The following GBF1 variants were observed in gnomAD, a reference collection of about 807,000 sequenced individuals.
GBF1 encodes golgi brefeldin A resistant guanine nucleotide exchange factor 1.
In GBF1, 114 loss-of-function variants were observed where a neutral mutation model predicts 210.5. That is an observed-to-expected ratio of 0.54 (90% CI 0.47 to 0.63). GBF1 has a LOEUF of 0.63. GBF1 is among the 30% of genes least tolerant of loss of function. The pLI, the probability that GBF1 is intolerant of heterozygous loss-of-function variation, is 0.00. For missense variants in GBF1, 1,851 were observed against 2,357.7 expected, an observed-to-expected ratio of 0.79 and a Z score of 4.45; for synonymous variants, 850 against 889.2, an observed-to-expected ratio of 0.96 and a Z score of 0.78.
At chr10:102,365,286 C>A (rs907410360) in intron 17 of GBF1, 111 bp from the exon 18 acceptor site, 3 of 738,664 alleles carry the variant, frequency 4.1e-6, no homozygotes, top group African/African-American at 1.7e-5. Flanking sequence ...AGAACCACAT[C>A]CTAGGAGCTT....
the GBF1 span, among the ~76,000 whole-genome samples, chr10:102,237,074 T>C: frequency 6.6e-6 from 1 of 152,226 alleles, no homozygotes; most frequent in East Asian, 1.9e-4. Context: ...ACAGTCTTCC[T>C]GCTCTTCCTT....
chr10:102,252,818 G>A (rs2133928188), intron 1 of GBF1, among the ~76,000 whole-genome samples: 1 of 152,024 alleles, frequency 6.6e-6, no homozygotes, highest in African/African-American at 2.4e-5. Flanking sequence ...CTGCACTCCA[G>A]CCTGGGCGAC....
intron 3 of GBF1, among the ~76,000 whole-genome samples, chr10:102,286,436 G>A (rs1013632572): frequency 2.0e-5 from 3 of 152,130 alleles, no homozygotes; most frequent in Admixed American, 1.3e-4. Context: ...ATTATTCCTC[G>A]GGATTTATTT....
chr10:102,239,576 GA>G, the GBF1 span, among the ~76,000 whole-genome samples: 1 of 152,208 alleles, frequency 6.6e-6, no homozygotes, highest in African/African-American at 2.4e-5. Flanking sequence ...GCAAACTTTA[GA>G]ACTGAGGAAT....
intron 38 of GBF1, 80 bp downstream of exon 38, chr10:102,380,766 G>A (rs2060794985): frequency 8.2e-7 from 1 of 1,212,498 alleles, no homozygotes; most frequent in African/African-American, 1.5e-5. Flanking sequence ...CCAGCACTTT[G>A]AGAGGCCGAG....
At chr10:102,330,278 T>C (rs181143114) in intron 3 of GBF1, among the ~76,000 whole-genome samples, 1 of 152,318 alleles carries the variant, frequency 6.6e-6, no homozygotes, top group East Asian at 1.9e-4. Context: ...GGTAAGTCAC[T>C]TAACCTCTTA....
upstream of GBF1, among the ~76,000 whole-genome samples, chr10:102,241,663 G>A (rs753704879): frequency 6.6e-6 from 1 of 152,254 alleles, no homozygotes; most frequent in South Asian, 2.1e-4. The surrounding 1 kb of genome is among the most constrained non-coding windows in gnomAD (Gnocchi z 6.7). Context: ...CGCCTTTGAG[G>A]GAGGGGTCTG....
At chr10:102,343,799 CAAA>C (rs56360033) in intron 3 of GBF1, among the ~76,000 whole-genome samples, 20 of 124,274 alleles carry the variant, frequency 1.6e-4, no homozygotes, top group Admixed American at 1.6e-4. Flanking sequence ...CTCTGTCTGA[CAAA>C]AAAAAAAAAA....
chr10:102,381,328 G>A lies in GBF1; in HGVS notation c.5302+73G>A, dbSNP rs755403592. ...GGCCTAAGAGGAGGCCCAAGGGGGC[G>A]TGGGAATGCTGCTGAGCAGGGTCTG... On this transcript the variant is annotated intron_variant, in intron 39 of 39. Transcript: ENST00000369983. 1.3e-4 allele frequency: 197 copies of A among 1,498,638 alleles called. 1 individual carries two copies. The highest frequency in any genetic ancestry group is 1.7e-4 in the Non-Finnish European group (185 of 1,087,380). The allele number at this position is 1,498,638 out of a possible 1,614,324, so 92.8% of individuals were successfully genotyped here.
chr10:102,249,872 A>C (rs759171261), intron 1 of GBF1, among the ~76,000 whole-genome samples: 2 of 151,572 alleles, frequency 1.3e-5, no homozygotes, highest in Non-Finnish European at 2.9e-5. Context: ...TTGTATTTTT[A>C]ATAGAGATGT....
chr10:102,284,504 G>A (rs1589482168), intron 3 of GBF1, among the ~76,000 whole-genome samples: 1 of 152,022 alleles, frequency 6.6e-6, no homozygotes, highest in Admixed American at 6.6e-5. Context: ...CATATAAATG[G>A]AATCATATAA....
intron 3 of GBF1, among the ~76,000 whole-genome samples, chr10:102,289,760 A>G (rs2076281829): frequency 6.6e-6 from 1 of 152,208 alleles, no homozygotes; most frequent in Admixed American, 6.5e-5. Context: ...ATTCTATAGA[A>G]GACTATAAAA....
chr10:102,364,669 T>G (rs1342194115), intron 17 of GBF1, among the ~76,000 whole-genome samples: 1 of 151,008 alleles, frequency 6.6e-6, no homozygotes, highest in Non-Finnish European at 1.5e-5. Flanking sequence ...GCTAACACGA[T>G]GAAACCCCGT....
At chr10:102,359,869 T>C (rs531991152) in intron 11 of GBF1, among the ~76,000 whole-genome samples, 1 of 149,544 alleles carries the variant, frequency 6.7e-6, no homozygotes, top group East Asian at 2.0e-4. Context: ...GTTCAAGCAA[T>C]CCTCCCACCT....
intron 33 of GBF1, among the ~76,000 whole-genome samples, chr10:102,378,777 A>C (rs2060662551): frequency 6.6e-6 from 1 of 152,134 alleles, no homozygotes; most frequent in African/African-American, 2.4e-5. Context: ...CTACAAAAAT[A>C]CAAAAAATTA....
intron 3 of GBF1, among the ~76,000 whole-genome samples, chr10:102,312,013 C>T (rs762449943): frequency 9.2e-5 from 14 of 152,060 alleles, no homozygotes; most frequent in Non-Finnish European, 1.9e-4. Flanking sequence ...TAAATCTCGC[C>T]GGGCGTGGTA....
chr10:102,290,390 C>T (rs1402699001), intron 3 of GBF1, among the ~76,000 whole-genome samples: 1 of 152,050 alleles, frequency 6.6e-6, no homozygotes, highest in African/African-American at 2.4e-5. Context: ...ATACATTGAA[C>T]CAGAATGCCA....
the GBF1 span, among the ~76,000 whole-genome samples, chr10:102,232,740 G>A: frequency 6.6e-6 from 1 of 152,222 alleles, no homozygotes; most frequent in East Asian, 1.9e-4. Context: ...TACTACATCT[G>A]CAAAAACTTA....
At chr10:102,346,233 G>A (rs1279813271) in intron 4 of GBF1, among the ~76,000 whole-genome samples, 1 of 151,972 alleles carries the variant, frequency 6.6e-6, no homozygotes, top group South Asian at 2.1e-4. Context: ...CACCCGCCTC[G>A]GCTTCCCAAA....
Sources: gnomAD v4.1 joint callset for allele counts (sites outside exome capture counted in the v4.1 genomes callset) on GRCh38, gnomAD v4.1.1 for gene constraint, Gnocchi (gnomAD v3.1) non-coding constraint, MANE v1.5 for transcripts, NCBI Gene and HGNC (gene_info 2026-07-23, HGNC 2026-07-21) for gene names.